The following MAGED2 variants were observed in gnomAD, a reference collection of about 807,000 sequenced individuals.
MAGED2 encodes MAGE family member D2.
In MAGED2, 6 loss-of-function variants were observed where a neutral mutation model predicts 41.7. The ratio of observed to expected loss-of-function variants is 0.14; its 90% CI spans 0.08 to 0.28. The LOEUF (loss-of-function observed/expected upper bound fraction) is 0.28. Ranked by LOEUF, MAGED2 falls within the 10% of genes least tolerant of loss-of-function variation. The probability of loss-of-function intolerance (pLI) is 1.00; values close to 1 mark genes in which losing one functional copy is unlikely to be tolerated. For synonymous variants in MAGED2, 146 were observed against 178.2 expected, an observed-to-expected ratio of 0.82 and a Z score of 1.44; for missense variants, 343 against 486.4, an observed-to-expected ratio of 0.71 and a Z score of 2.77.
chrX:54,809,352 T>A lies in MAGED2; in HGVS notation c.21T>A (p.Ser7Arg). 2.5e-6 allele frequency: 3 copies of A among 1,210,016 alleles called. No individual in the cohort carries two copies. Among genetic ancestry groups the A allele is most frequent in the Non-Finnish European group, 3.4e-6 (3 of 894,598 alleles). The change falls in exon 2 of 13, where the codon AGT becomes AGA. Residue 7 changes from serine to arginine, a missense_variant. Coordinates refer to ENST00000375068, the MANE Select transcript of MAGED2 (RefSeq NM_177433.3). ...GAGACATGTCTGACACAAGCGAGAG[T>A]GGTGCAGGTCTAACTCGCTTCCAGG... MSDTSESGAGLTRFQAE... is the reference protein window; with the variant it reads MSDTSERGAGLTRFQAE...
intron 1 of MAGED2, 57 bp from the exon 2 acceptor site, chrX:54,809,246 A>AGCCTCT (rs1929720956): frequency 1.4e-5 from 14 of 983,054 alleles, no homozygotes; most frequent in African/African-American, 1.9e-5. Flanking sequence ...CTCCAGGCAC[A>AGCCTCT]ACAGGGGAGA....
At position 54,811,567 on chromosome X, in the gene MAGED2, C is replaced by G. The variant is rs1418884336; in HGVS notation, c.911-7C>G. ...AGTCAGGTGCTCACAACACTCTCCC[C>G]TTGCAGACATGCTGAAGGACATCAT... On this transcript the variant is annotated splice_polypyrimidine_tract_variant and splice_region_variant and intron_variant, in intron 5 of 12. Coordinates refer to ENST00000375068, the MANE Select transcript of MAGED2 (RefSeq NM_177433.3). 4 of 1,194,945 alleles carry G rather than the reference C, an allele frequency of 3.3e-6. No homozygotes were observed. In the African/African-American group the frequency reaches 7.0e-5, roughly 21 times the overall value.
At chrX:54,809,077 C>A in intron 1 of MAGED2, 1 of 407,634 alleles carries the variant, frequency 2.5e-6, no homozygotes. Context: ...GGGGCGGGGT[C>A]CTCAGAGCTG....
At chrX:54,811,804 T>C (rs1230848241) in intron 6 of MAGED2, 151 bp downstream of exon 6, 1 of 471,570 alleles carries the variant, frequency 2.1e-6, no homozygotes, top group African/African-American at 2.4e-5. Context: ...GGGGTGTAGA[T>C]TAGCGATGGG....
intron 9 of MAGED2, 108 bp from the exon 10 acceptor site, chrX:54,813,380 T>G: frequency 1.2e-6 from 1 of 862,751 alleles, no homozygotes. Flanking sequence ...TTCCCTCTTG[T>G]GCTGGAAACC....
rs1162597231 is a variant in MAGED2, at chrX:54,811,267, G to A, written c.864G>A (p.Lys288=). 1 of 1,211,631 alleles carries A rather than the reference G, an allele frequency of 8.3e-7. No individual in the cohort carries two copies. ...TCTGCCAGGCAAATGATTTGGTGAAGTACCTTTTGGCTAAAGACCAGACGA... is the reference window on the plus strand; with the variant it reads ...TCTGCCAGGCAAATGATTTGGTGAAATACCTTTTGGCTAAAGACCAGACGA... ...LLQGRANDLV[K]YLLAKDQTKI... Residue 288 remains lysine (K), a synonymous_variant, in exon 5 of 13, where the codon AAG becomes AAA. Coordinates refer to ENST00000375068, the MANE Select transcript of MAGED2 (RefSeq NM_177433.3).
intron 10 of MAGED2, 59 bp from the exon 11 acceptor site, chrX:54,814,602 A>G (rs180985708): frequency 8.6e-5 from 61 of 709,465 alleles, no homozygotes; most frequent in Admixed American, 2.2e-4. Context: ...TGTCCAGTCT[A>G]TGCATGGGTA....
At chrX:54,813,066 A>G (rs1486641634) in intron 8 of MAGED2, 42 bp downstream of exon 8, 6 of 1,210,330 alleles carry the variant, frequency 5.0e-6, no homozygotes, top group Non-Finnish European at 4.5e-6. Flanking sequence ...GCTGTGGTCT[A>G]GATTCCATGT....
chrX:54,812,106 G>A (rs1933727132), intron 6 of MAGED2, 51 bp from the exon 7 acceptor site: 1 of 725,708 alleles, frequency 1.4e-6, no homozygotes, highest in Non-Finnish European at 2.2e-6. Context: ...GCTGCAGCAT[G>A]CCCCGGAAGC....
intron 4 of MAGED2, 57 bp from the exon 5 acceptor site, chrX:54,811,193 C>G: frequency 8.4e-6 from 10 of 1,196,569 alleles, no homozygotes; most frequent in Middle Eastern, 2.3e-4. Context: ...TCTTTGCCAT[C>G]GTCTCAAGTT....
rs1282522153 is a variant in MAGED2 at position 54,811,145 on chromosome X, T to C, written c.846+16T>C. On this transcript the variant is annotated intron_variant, in intron 4 of 12. Coordinates refer to ENST00000375068, the MANE Select transcript of MAGED2 (RefSeq NM_177433.3). ...GCAAGGGAGGGTAAGAACTCTGTCG[T>C]TTTTATTCTGCCTTTTCTACTGCCT... 2.5e-6 allele frequency: 3 copies of C among 1,194,279 alleles called. No homozygotes were observed. In the African/African-American group the frequency reaches 5.3e-5, roughly 21 times the overall value.
chrX:54,815,768 C>T (rs1929954664), intron 12 of MAGED2, 78 bp downstream of exon 12: 1 of 673,933 alleles, frequency 1.5e-6, no homozygotes. Flanking sequence ...TAGGAAGGCC[C>T]AAGTTGGAGA....
Position 54,810,905 on chromosome X carries a change from G to C in MAGED2, c.622G>C (p.Ala208Pro). Residue 208 changes from alanine to proline, a missense_variant, in exon 4 of 13, where the codon GCC (alanine) becomes CCC (proline). This residue lies in a region of MAGED2 where 195 missense variants were observed against 221.2 expected (regional missense o/e 0.88). Coordinates refer to ENST00000375068, the MANE Select transcript of MAGED2 (RefSeq NM_177433.3). ...GTTGGRRVSKALMASMARRAS... is the reference protein window; with the variant it reads ...GTTGGRRVSKPLMASMARRAS... ...CACAGGTGGCCGAAGGGTCTCAAAGGCCCTAATGGCCTCAATGGCCCGCAG... is the reference window on the plus strand; with the variant it reads ...CACAGGTGGCCGAAGGGTCTCAAAGCCCCTAATGGCCTCAATGGCCCGCAG... 1 of 1,208,769 alleles carries C rather than the reference G, an allele frequency of 8.3e-7. No homozygotes were observed. The highest frequency in any genetic ancestry group is 1.1e-6 in the Non-Finnish European group (1 of 893,436).
At position 54,810,980 on chromosome X, in the gene MAGED2, C is replaced by T; in HGVS notation, c.697C>T (p.Arg233Trp). 2 of 1,202,855 alleles carry T rather than the reference C, an allele frequency of 1.7e-6. No individual in the cohort carries two copies. The highest frequency in any genetic ancestry group is 2.2e-6 in the Non-Finnish European group (2 of 890,572). Residue 233 changes from arginine (R) to tryptophan (W), a missense_variant, in exon 4 of 13, where the codon CGG (arginine) becomes TGG (tryptophan). Transcript: ENST00000375068. ...AFWARRASRTRLAAWARRALL... is the reference protein window; with the variant it reads ...AFWARRASRTWLAAWARRALL... ...TTGGGCCCGCAGGGCATCAAGGACT[C>T]GGTTGGCTGCTTGGGCCCGGAGAGC... is the stretch of plus-strand genomic sequence containing the variant.
intron 6 of MAGED2, among the ~76,000 whole-genome samples, chrX:54,811,884 C>T (rs755778147): frequency 1.4e-4 from 16 of 111,748 alleles, no homozygotes; most frequent in Admixed American, 9.4e-4. Context: ...GGCTTCTGTC[C>T]GTCCATGGCA....
In MAGED2 at chrX:54,809,918, C is replaced by G; in HGVS notation, c.242C>G (p.Thr81Ser). ...KTPEAREAPA[T>S]QASSTTQLTD... is the part of the protein sequence containing the mutation. ...CCAGAGGCTCGGGAGGCACCTGCCA[C>G]CCAGGCCTCATCTACTACTCAGCTG... Residue 81 changes from threonine to serine, a missense_variant, in exon 3 of 13, where the codon ACC becomes AGC. Physicochemically the swap from Thr to Ser is moderately conservative, Grantham distance 58. Around this residue, in one of 3 missense-constraint regions of MAGED2, gnomAD observed 195 missense variants for 221.2 expected, o/e 0.88. Coordinates refer to ENST00000375068, the MANE Select transcript of MAGED2 (RefSeq NM_177433.3). 8.3e-7 allele frequency: 1 copy of G among 1,198,777 alleles called. No homozygotes were observed. The highest frequency in any genetic ancestry group is 1.8e-5 in the South Asian group (1 of 55,226).
chrX:54,810,697 C>A (rs747716923), intron 3 of MAGED2, 124 bp from the exon 4 acceptor site: 37 of 548,311 alleles, frequency 6.7e-5, no homozygotes, highest in Non-Finnish European at 1.1e-4. Context: ...GCATGGCCAA[C>A]ATCTATTGAG....
At chrX:54,808,005 G>A (rs1443714993) in intron 1 of MAGED2, among the ~76,000 whole-genome samples, 1 of 108,840 alleles carries the variant, frequency 9.2e-6, no homozygotes, top group East Asian at 2.9e-4. Flanking sequence ...GAGGGAGGAG[G>A]GGAGAAAAAC....
chrX:54,812,096 G>A (rs1456148249), intron 6 of MAGED2, 61 bp from the exon 7 acceptor site: 1 of 645,623 alleles, frequency 1.5e-6, no homozygotes, highest in Non-Finnish European at 2.6e-6. Flanking sequence ...TACATAGGGA[G>A]CTGCAGCATG....
Sources: allele counts gnomAD v4.1 joint callset (sites outside exome capture counted in the v4.1 genomes callset), GRCh38; gene constraint gnomAD v4.1.1; regional missense constraint gnomAD v4.1.1; transcripts MANE v1.5; gene names NCBI Gene and HGNC (gene_info 2026-07-23, HGNC 2026-07-21).